The following ZNF320 variants were observed in gnomAD, a reference collection of about 807,000 sequenced individuals.
ZNF320 encodes zinc finger gene 320.
ZNF320 carries 2 observed loss-of-function variants against 6.8 expected under a neutral mutation model. The observed-to-expected ratio is 0.29, with a 90% CI of 0.12 to 0.93. ZNF320 has a LOEUF of 0.93. ZNF320 is among the 40% of genes least tolerant of loss of function. The pLI is 0.55. For missense variants in ZNF320, 472 were observed against 611.0 expected (o/e 0.77, Z 2.40); for synonymous variants, 208 against 203.2 (o/e 1.02, Z -0.20).
In ZNF320 at chr19:52,881,212, T is replaced by G. The variant is rs139660489; in HGVS notation, c.914A>C (p.Glu305Ala). The change falls in exon 6 of 6, where the codon GAA becomes GCA. Residue 305 changes from glutamate to alanine, a missense_variant. By Grantham distance (107) the Glu-to-Ala change is moderately radical (BLOSUM62 -1). This residue lies in a region of ZNF320 where 462 missense variants were observed against 559.7 expected (regional missense o/e 0.83). Coordinates refer to ENST00000682928, the MANE Select transcript of ZNF320 (RefSeq NM_001351774.2). ...TCGTTGCTTAAAAACCTTGCCACAT[T>G]CATTACACTTATAGGGTTTCTCTGC... The part of the protein sequence containing the change: ...HTAEKPYKCN[E>A]CGKVFKQRAT... The G allele has an allele frequency of 6.6e-5, 107 of 1,614,214 alleles. No individual in the cohort carries two copies. The African/African-American group carries it at 1.1e-3, about 17-fold the overall frequency.
chr19:52,868,012 T>C (rs982290054), intron 5 of ZNF320, among the ~76,000 whole-genome samples: 1 of 151,974 alleles, frequency 6.6e-6, no homozygotes, highest in African/African-American at 2.4e-5. Flanking sequence ...CCCAAAGTGC[T>C]GGGATTAGAG....
downstream of ZNF320, chr19:52,876,102 T>A (rs2147794131): frequency 6.6e-6 from 1 of 152,278 alleles, no homozygotes. Flanking sequence ...CAGAGGAACT[T>A]GAGGGGAAAG....
chr19:52,888,780 A>G (rs1040899274), intron 4 of ZNF320, among the ~76,000 whole-genome samples: 2 of 152,174 alleles, frequency 1.3e-5, no homozygotes, highest in East Asian at 3.8e-4. Flanking sequence ...TCAAAATATA[A>G]AAGATTTTCA....
chr19:52,891,421 T>C (rs1051187684), intron 2 of ZNF320, 75 bp from the exon 3 acceptor site: 5 of 151,406 alleles, frequency 3.3e-5, no homozygotes, highest in Admixed American at 2.6e-4. Context: ...ATGATAGAGA[T>C]TGATGGGCAG....
At chr19:52,871,520 G>A (rs530116316), downstream of ZNF320, among the ~76,000 whole-genome samples, 41 of 149,912 alleles carry the variant, frequency 2.7e-4, no homozygotes, top group South Asian at 2.9e-3. Flanking sequence ...CTCCACTTCG[G>A]AAAAAAAAAA....
At chr19:52,884,870 A>C (rs1207489112) in intron 5 of ZNF320, among the ~76,000 whole-genome samples, 1 of 152,160 alleles carries the variant, frequency 6.6e-6, no homozygotes, top group Non-Finnish European at 1.5e-5. Context: ...CTCTACTATA[A>C]ATCTTGCAAT....
chr19:52,882,332 T>C (rs1951598167), intron 5 of ZNF320, among the ~76,000 whole-genome samples: 1 of 152,164 alleles, frequency 6.6e-6, no homozygotes, highest in Admixed American at 6.5e-5. Flanking sequence ...AAATATGTAT[T>C]CTTCATATAT....
At chr19:52,895,146 C>G (rs1600661602) in intron 1 of ZNF320, 2 of 152,134 alleles carry the variant, frequency 1.3e-5, no homozygotes, top group Non-Finnish European at 2.9e-5. Flanking sequence ...CTACTTGAAC[C>G]AAATTTTGAT....
chr19:52,899,498 T>C (rs535792930), upstream of ZNF320, among the ~76,000 whole-genome samples: 2 of 152,330 alleles, frequency 1.3e-5, no homozygotes, highest in East Asian at 1.9e-4. Context: ...AGTCTCGCTC[T>C]GTCACCCAGG....
downstream of ZNF320, among the ~76,000 whole-genome samples, chr19:52,872,081 A>G (rs1272353282): frequency 1.3e-5 from 2 of 152,052 alleles, no homozygotes; most frequent in Admixed American, 1.3e-4. Context: ...TGGCTCCTTG[A>G]GAGGCTAATG....
intron 5 of ZNF320, chr19:52,865,455 ATACATATATATATAT>A (rs1171313122): frequency 1.0e-5 from 1 of 99,696 alleles, no homozygotes; most frequent in East Asian, 2.2e-4. Context: ...TATATATGTA[ATACATATATATATAT>A]TACATATATA....
In ZNF320 at chr19:52,881,261, C is replaced by T. The variant is rs557716050; in HGVS notation, c.865G>A (p.Val289Ile). The T allele has an allele frequency of 1.7e-4, 269 of 1,614,096 alleles. 3 individuals are homozygous for T. In the South Asian group the frequency reaches 2.1e-3, roughly 13 times the overall value. ...GKTFARNSVL[V>I]IHKAVHTAEK... is the part of the protein sequence containing the mutation. ...GCAGTATGAACTGCCTTATGAATTA[C>T]GAGGACTGAATTTCGAGCGAAGGTC... The change falls in exon 6 of 6, where the codon GTA becomes ATA. Residue 289 changes from valine (V) to isoleucine (I), a missense_variant. Val to Ile is a conservative substitution (Grantham distance 29). This residue lies in a region of ZNF320 where 462 missense variants were observed against 559.7 expected (regional missense o/e 0.83). Transcript: ENST00000682928.
At chr19:52,900,126 G>A (rs1218242670), upstream of ZNF320, among the ~76,000 whole-genome samples, 1 of 152,126 alleles carries the variant, frequency 6.6e-6, no homozygotes. Context: ...CATGAGCTCT[G>A]TCTATGTATC....
chr19:52,894,733 A>G (rs2064420226), intron 1 of ZNF320: 1 of 151,978 alleles, frequency 6.6e-6, no homozygotes, highest in Non-Finnish European at 1.5e-5. Flanking sequence ...TTAGCCTGGC[A>G]TGGTGGTGTG....
intron 5 of ZNF320, among the ~76,000 whole-genome samples, chr19:52,886,893 C>T (rs1368419793): frequency 1.3e-5 from 2 of 151,012 alleles, no homozygotes; most frequent in East Asian, 3.9e-4. Flanking sequence ...CAAGATCGTT[C>T]CACTGCACTG....
intron 5 of ZNF320, among the ~76,000 whole-genome samples, chr19:52,865,696 C>G (rs2147768541): frequency 3.2e-5 from 4 of 123,988 alleles, no homozygotes; most frequent in Admixed American, 9.0e-5. Flanking sequence ...ATATATTATA[C>G]ATATATTTAT....
At position 52,863,330 on chromosome 19, in the gene ZNF320, G is replaced by C. The variant is rs781297257; in HGVS notation, c.*699C>G. Among the ~76,000 whole-genome samples, 222 of 152,322 alleles carry C rather than the reference G, an allele frequency of 1.5e-3. 1 individual carries two copies. Among genetic ancestry groups the C allele is most frequent in the Non-Finnish European group, 1.0e-3 (68 of 68,030 alleles). On this transcript the variant is annotated 3_prime_UTR_variant, in exon 6 of 6. Coordinates refer to the ZNF320 transcript ENST00000673631. Reference sequence around the variant, plus strand: ...AAAATATGGGAAGGTCGGGCATGGTGGTTCACACCTGTAATCCCAGCACTT... The same window carrying C: ...AAAATATGGGAAGGTCGGGCATGGTCGTTCACACCTGTAATCCCAGCACTT...
At chr19:52,869,076 C>A (rs1280167421) in intron 5 of ZNF320, among the ~76,000 whole-genome samples, 1 of 152,016 alleles carries the variant, frequency 6.6e-6, no homozygotes, top group African/African-American at 2.4e-5. Flanking sequence ...AAGTAATGGG[C>A]ATGTAGGAGT....
At chr19:52,875,289 T>C (rs1169716289), downstream of ZNF320, among the ~76,000 whole-genome samples, 1 of 152,132 alleles carries the variant, frequency 6.6e-6, no homozygotes, top group Non-Finnish European at 1.5e-5. Flanking sequence ...TGGAGATGCC[T>C]GTTTGATGTC....
Sources: gnomAD v4.1 joint callset for allele counts (sites outside exome capture counted in the v4.1 genomes callset) on GRCh38, gnomAD v4.1.1 for gene constraint, gnomAD v4.1.1 regional missense constraint, MANE v1.5 for transcripts, NCBI Gene and HGNC (gene_info 2026-07-23, HGNC 2026-07-21) for gene names.